PFKFB3: variants seen among roughly 807,000 people sequenced by gnomAD.
PFKFB3 encodes the protein 6-phosphofructo-2-kinase/fructose-2,6-bisphosphatase 3.
A neutral mutation model predicts 68.0 loss-of-function variants in PFKFB3; 33 were observed. That is an observed-to-expected ratio of 0.49 (90% CI 0.37 to 0.65). The LOEUF (loss-of-function observed/expected upper bound fraction) is 0.65, where lower values mean the gene tolerates loss of function less well. PFKFB3 is among the 30% of genes least tolerant of loss of function. The pLI, the probability that PFKFB3 is intolerant of heterozygous loss-of-function variation, is 0.00. For synonymous variants in PFKFB3, 315 were observed against 288.2 expected (o/e 1.09, Z -0.94); for missense variants, 586 against 712.2 (o/e 0.82, Z 2.02).
intron 1 of PFKFB3, among the ~76,000 whole-genome samples, chr10:6,165,497 G>C (rs1221844722): frequency 2.6e-5 from 4 of 152,144 alleles, no homozygotes; most frequent in Non-Finnish European, 4.4e-5. Flanking sequence ...CCTTCTCCCT[G>C]GGGGCACAAA....
In PFKFB3 at chr10:6,220,859, C is replaced by A. The variant is rs895914498; in HGVS notation, c.825C>A (p.Gly275=). Residue 275 remains glycine, a synonymous_variant, in exon 8 of 15, where the codon GGC becomes GGA. Coordinates refer to ENST00000379775, the MANE Select transcript of PFKFB3 (RefSeq NM_004566.4). The surrounding 1 kb of genome is among the most constrained non-coding windows in gnomAD (Gnocchi z 4.1). ...GCGACTCAGGCCTGTCCAGCCGGGG[C>A]AAGAAGGTGCGGGGTGTGCTGCCGC... The part of the protein sequence containing the change: ...IGGDSGLSSR[G]KKFASALSKF... The A allele has an allele frequency of 2.5e-6, 4 of 1,610,598 alleles. No homozygotes were observed. The African/African-American group carries it at 5.3e-5, about 22-fold the overall frequency.
At chr10:6,200,764 T>C (rs999367561), upstream of PFKFB3, among the ~76,000 whole-genome samples, 5 of 151,298 alleles carry the variant, frequency 3.3e-5, no homozygotes, top group African/African-American at 1.2e-4. Flanking sequence ...AAGAACATAG[T>C]CTTCCCTCTA....
At chr10:6,227,096 A>AG (rs1418381364) in intron 14 of PFKFB3, among the ~76,000 whole-genome samples, 1 of 152,062 alleles carries the variant, frequency 6.6e-6, no homozygotes, top group African/African-American at 2.4e-5. Flanking sequence ...AAAAAAAAAA[A>AG]GCAAAAAACC....
At chr10:6,238,520 T>C (rs1387239629), downstream of PFKFB3, among the ~76,000 whole-genome samples, 1 of 147,102 alleles carries the variant, frequency 6.8e-6, no homozygotes, top group Non-Finnish European at 1.5e-5. Context: ...AGGAATGCCA[T>C]AGTTCTCAGA....
intron 14 of PFKFB3, among the ~76,000 whole-genome samples, chr10:6,245,128 G>A (rs1846225704): frequency 6.6e-6 from 1 of 152,082 alleles, no homozygotes. Context: ...ATGGAGTCTT[G>A]CTCTGTTGCC....
the PFKFB3 span, among the ~76,000 whole-genome samples, chr10:6,292,068 C>G: frequency 6.7e-6 from 1 of 150,194 alleles, no homozygotes; most frequent in African/African-American, 2.5e-5. Flanking sequence ...ATTCTGCTGC[C>G]TCAGCCTCCC....
At chr10:6,200,947 T>G (rs1843327702), upstream of PFKFB3, among the ~76,000 whole-genome samples, 1 of 152,184 alleles carries the variant, frequency 6.6e-6, no homozygotes, top group Non-Finnish European at 1.5e-5. Flanking sequence ...CTCTCTGCTC[T>G]CCCTGTGAGC....
upstream of PFKFB3, among the ~76,000 whole-genome samples, chr10:6,200,693 G>GGGGGGGGGT (rs1843318920): frequency 9.5e-6 from 1 of 105,644 alleles, no homozygotes; most frequent in Admixed American, 9.3e-5. Flanking sequence ...TGGTGGTGGG[G>GGGGGGGGGT]CGGGGATTGA....
At chr10:6,219,401 C>T in intron 6 of PFKFB3, 168 bp from the exon 7 acceptor site, 1 of 657,480 alleles carries the variant, frequency 1.5e-6, no homozygotes, top group Non-Finnish European at 2.6e-6. Context: ...TAACATCAGG[C>T]TGTGACTCAG....
the PFKFB3 span, among the ~76,000 whole-genome samples, chr10:6,270,858 T>C: frequency 1.3e-5 from 2 of 152,184 alleles, no homozygotes; most frequent in Non-Finnish European, 2.9e-5. Context: ...ACTGGGCCAG[T>C]TTTGACTCAG....
At chr10:6,156,585 G>T (rs1321984402) in intron 1 of PFKFB3, among the ~76,000 whole-genome samples, 1 of 151,978 alleles carries the variant, frequency 6.6e-6, no homozygotes, top group Non-Finnish European at 1.5e-5. Context: ...TCGGCTCACT[G>T]CAACCTCTGC....
intron 1 of PFKFB3, among the ~76,000 whole-genome samples, chr10:6,170,096 C>T (rs1842260037): frequency 6.6e-6 from 1 of 152,120 alleles, no homozygotes. Flanking sequence ...CATGCCTGGG[C>T]CCACCCCGTG....
At chr10:6,189,666 C>T (rs1842973962) in intron 1 of PFKFB3, among the ~76,000 whole-genome samples, 2 of 151,792 alleles carry the variant, frequency 1.3e-5, no homozygotes, top group South Asian at 4.2e-4. Context: ...AGGCATGCAC[C>T]ACCAAGCCCA....
At chr10:6,311,054 G>C in the PFKFB3 span, among the ~76,000 whole-genome samples, 1 of 152,150 alleles carries the variant, frequency 6.6e-6, no homozygotes, top group Non-Finnish European at 1.5e-5. Context: ...TTGAAATTAA[G>C]ATTCAAAAAA....
chr10:6,200,659 C>CA (rs1843308075), upstream of PFKFB3, among the ~76,000 whole-genome samples: 4 of 68,886 alleles, frequency 5.8e-5, no homozygotes, highest in Non-Finnish European at 1.2e-4. Flanking sequence ...ATGTAAGGAG[C>CA]GGGGGGGGGG....
the PFKFB3 span, among the ~76,000 whole-genome samples, chr10:6,289,969 G>C: frequency 6.6e-6 from 1 of 152,118 alleles, no homozygotes. Context: ...TGAAGCAATC[G>C]TGAATGGGAG....
intron 1 of PFKFB3, among the ~76,000 whole-genome samples, chr10:6,177,797 A>G (rs1447517475): frequency 1.3e-5 from 2 of 152,096 alleles, no homozygotes; most frequent in African/African-American, 2.4e-5. Flanking sequence ...GTTTGGGATT[A>G]CAGGTGTGTG....
rs749129357 is a variant in PFKFB3 at position 6,215,244 on chromosome 10, C to A, written c.226C>A (p.Arg76=). ...TKVFNVGEYR[R]EAVKQYSSYN... is the part of the protein sequence containing the mutation. ...AGTGTTCAACGTCGGGGAGTATCGC[C>A]GGGAGGCTGTGAAGCAGTACAGCTC... The change falls in exon 3 of 15, where the codon CGG becomes AGG. Residue 76 remains arginine, a synonymous_variant. Transcript: ENST00000379775. This position sits in a 1 kb window ranked among gnomAD's most constrained non-coding sequence, Gnocchi z 4.3. 3.7e-5 allele frequency: 60 copies of A among 1,613,832 alleles called. No homozygotes were observed. Among genetic ancestry groups the A allele is most frequent in the Non-Finnish European group, 5.0e-5 (59 of 1,179,980 alleles).
chr10:6,225,520 A>G (rs530619239), intron 13 of PFKFB3, among the ~76,000 whole-genome samples: 174 of 152,332 alleles, frequency 1.1e-3, no homozygotes, highest in Non-Finnish European at 1.4e-3. Flanking sequence ...TCTTCCCTGC[A>G]GGGAATGGGG....
Sources: gnomAD v4.1 joint callset for allele counts (sites outside exome capture counted in the v4.1 genomes callset) on GRCh38, gnomAD v4.1.1 for gene constraint, Gnocchi (gnomAD v3.1) non-coding constraint, MANE v1.5 for transcripts, NCBI Gene and HGNC (gene_info 2026-07-23, HGNC 2026-07-21) for gene names.